Variants in CLDN16 observed in about 807,000 individuals in gnomAD.
The protein encoded by CLDN16 is claudin-16.
In CLDN16, 13 loss-of-function variants were observed where a neutral mutation model predicts 24.6. That is an observed-to-expected ratio of 0.53 (90% CI 0.34 to 0.84). The LOEUF is 0.84. Among genes scored for constraint, CLDN16 ranks in the 40% least tolerant of loss-of-function variants. The probability of loss-of-function intolerance (pLI) is 0.01; values close to 1 mark genes in which losing one functional copy is unlikely to be tolerated. For missense variants in CLDN16, 298 were observed against 292.7 expected, an observed-to-expected ratio of 1.02 and a Z score of -0.13; for synonymous variants, 116 against 106.7, an observed-to-expected ratio of 1.09 and a Z score of -0.54.
upstream of CLDN16, among the ~76,000 whole-genome samples, chr3:190,387,361 A>C (rs1231410332): frequency 1.1e-5 from 1 of 94,986 alleles, no homozygotes; most frequent in African/African-American, 5.7e-5. Flanking sequence ...CTAATATAAC[A>C]GTTTTTTTTT....
intron 1 of CLDN16, among the ~76,000 whole-genome samples, chr3:190,359,314 G>A (rs1717839631): frequency 1.3e-5 from 2 of 152,006 alleles, no homozygotes; most frequent in African/African-American, 2.4e-5. Flanking sequence ...TTGCATGAAG[G>A]ACTTCCAAAT....
At chr3:190,395,848 T>C (rs894668335) in intron 1 of CLDN16, among the ~76,000 whole-genome samples, 8 of 152,104 alleles carry the variant, frequency 5.3e-5, no homozygotes, top group African/African-American at 1.9e-4. Context: ...ATTTACAAAA[T>C]CTGCTGTGTA....
At chr3:190,308,550 C>G in the CLDN16 span, 2 of 1,005,566 alleles carry the variant, frequency 2.0e-6, no homozygotes, top group Admixed American at 4.1e-5. Context: ...TTGAAAATAA[C>G]CCCTGAATAT....
chr3:190,338,710 T>A (rs535027344), intron 1 of CLDN16, among the ~76,000 whole-genome samples: 2 of 152,234 alleles, frequency 1.3e-5, no homozygotes, highest in African/African-American at 4.8e-5. Context: ...AAGGCTGTAA[T>A]TCATCCTACA....
intron 1 of CLDN16, among the ~76,000 whole-genome samples, chr3:190,333,705 A>T (rs1717235657): frequency 6.6e-6 from 1 of 152,140 alleles, no homozygotes; most frequent in Non-Finnish European, 1.5e-5. Context: ...TCTTTCTCTG[A>T]TAATGAAAAA....
chr3:190,340,516 T>A (rs1717403120), intron 1 of CLDN16, among the ~76,000 whole-genome samples: 1 of 152,058 alleles, frequency 6.6e-6, no homozygotes. Context: ...AGGAAAGACC[T>A]CCCACCCATG....
intron 1 of CLDN16, among the ~76,000 whole-genome samples, chr3:190,392,619 A>C (rs1718709134): frequency 1.3e-5 from 2 of 152,198 alleles, no homozygotes; most frequent in African/African-American, 2.4e-5. Context: ...GTCTTGGATA[A>C]CCAGTGAAAG....
chr3:190,387,000 T>A (rs1560093219), upstream of CLDN16, among the ~76,000 whole-genome samples: 1 of 152,224 alleles, frequency 6.6e-6, no homozygotes, highest in Non-Finnish European at 1.5e-5. Context: ...AGAATCTTAG[T>A]AGCTGATTCA....
rs1179623863 is a variant in CLDN16, at chr3:190,410,076, A to G, written c.*40A>G. 1.2e-6 allele frequency: 2 copies of G among 1,607,280 alleles called. No homozygotes were observed. The highest frequency in any genetic ancestry group is 2.7e-5 in the African/African-American group (2 of 74,762). ...GGTGTGTTTGCATATGATTTAATCA[A>G]TCAGTATGGTTACATTGATAAAATA... is the stretch of plus-strand genomic sequence containing the variant. On this transcript the variant is annotated 3_prime_UTR_variant, in exon 5 of 5. Coordinates refer to ENST00000264734, the MANE Select transcript of CLDN16 (RefSeq NM_006580.4).
rs574952874 is a variant in CLDN16 at position 190,342,263 on chromosome 3, A to G, written n.121+19602A>G. On this transcript the variant is annotated intron_variant and non_coding_transcript_variant, in intron 1 of 4. Coordinates refer to the CLDN16 transcript ENST00000468220. ...ACATACCTGAGACTGGGCAATTTAC[A>G]AAAGAAAGAGGTTTATTGGACTTAC... is the stretch of plus-strand genomic sequence containing the variant. Among the ~76,000 whole-genome samples the G allele has an allele frequency of 6.7e-4, 101 of 151,878 alleles. 1 individual carries two copies. Among genetic ancestry groups the G allele is most frequent in the African/African-American group, 2.0e-3 (84 of 41,142 alleles).
intron 4 of CLDN16, among the ~76,000 whole-genome samples, chr3:190,409,253 CATGTATATATGCACACATGTATATGT>C (rs1553809815): frequency 9.4e-4 from 101 of 107,030 alleles, no homozygotes; most frequent in African/African-American, 3.2e-3. Context: ...CACGTATATG[CATGTATATATGCACACATGTATATGT>C]ATGTATATAT....
At chr3:190,371,174 G>A (rs1718135428) in intron 2 of CLDN16, among the ~76,000 whole-genome samples, 1 of 149,372 alleles carries the variant, frequency 6.7e-6, no homozygotes, top group South Asian at 2.1e-4. Flanking sequence ...CTTGCAGATG[G>A]CCTATTGTTG....
chr3:190,328,375 G>GC (rs1219802157), intron 1 of CLDN16, among the ~76,000 whole-genome samples: 1 of 152,122 alleles, frequency 6.6e-6, no homozygotes, highest in Admixed American at 6.5e-5. Context: ...TAGACATGAT[G>GC]TTAGGCAAGT....
chr3:190,407,709 G>C (rs1719141745), intron 3 of CLDN16, among the ~76,000 whole-genome samples: 1 of 152,144 alleles, frequency 6.6e-6, no homozygotes, highest in Non-Finnish European at 1.5e-5. Flanking sequence ...TATGGTGTGA[G>C]GGTAGTAGAT....
intron 3 of CLDN16, among the ~76,000 whole-genome samples, chr3:190,380,046 G>A (rs1718327748): frequency 6.9e-6 from 1 of 144,020 alleles, no homozygotes; most frequent in Admixed American, 7.0e-5. Context: ...CTTCTTGAGT[G>A]GCATTCTATT....
intron 1 of CLDN16, among the ~76,000 whole-genome samples, chr3:190,347,450 T>C (rs1405952392): frequency 6.6e-6 from 1 of 152,154 alleles, no homozygotes; most frequent in African/African-American, 2.4e-5. Flanking sequence ...TAAATGGATA[T>C]AACGATCTGG....
At chr3:190,365,838 T>C (rs1387553532) in intron 1 of CLDN16, among the ~76,000 whole-genome samples, 1 of 151,758 alleles carries the variant, frequency 6.6e-6, no homozygotes, top group Non-Finnish European at 1.5e-5. Context: ...CAGCCAGGTA[T>C]GGTGTGACTT....
At chr3:190,364,336 T>G (rs1435269230) in intron 1 of CLDN16, among the ~76,000 whole-genome samples, 1 of 151,866 alleles carries the variant, frequency 6.6e-6, no homozygotes, top group Non-Finnish European at 1.5e-5. Flanking sequence ...TTCATGTAGC[T>G]CTTGTCCTGT....
At chr3:190,397,185 A>G (rs1718841799) in intron 1 of CLDN16, among the ~76,000 whole-genome samples, 1 of 152,138 alleles carries the variant, frequency 6.6e-6, no homozygotes, top group African/African-American at 2.4e-5. Context: ...TGTGACTTCT[A>G]CTTTATTATT....
Sources: gnomAD v4.1 joint callset for allele counts (sites outside exome capture counted in the v4.1 genomes callset) on GRCh38, gnomAD v4.1.1 for gene constraint, MANE v1.5 for transcripts, NCBI Gene and HGNC (gene_info 2026-07-23, HGNC 2026-07-21) for gene names.